The following PRKN variants were observed in gnomAD, a reference collection of about 807,000 sequenced individuals.
The protein encoded by PRKN is parkin RBR E3 ubiquitin protein ligase.
A neutral mutation model predicts 59.5 loss-of-function variants in PRKN; 56 were observed. The ratio of observed to expected loss-of-function variants is 0.94; its 90% CI spans 0.76 to 1.18. PRKN has a LOEUF of 1.18. Ranked by LOEUF, PRKN falls within the 50% of genes most tolerant of loss-of-function variation. The pLI is 0.00. For missense variants in PRKN, 657 were observed against 596.4 expected (o/e 1.10, Z -1.06); for synonymous variants, 250 against 222.1 (o/e 1.13, Z -1.12).
At chr6:162,416,032 G>A (rs935310167) in intron 2 of PRKN, among the ~76,000 whole-genome samples, 1 of 152,026 alleles carries the variant, frequency 6.6e-6, no homozygotes, top group Non-Finnish European at 1.5e-5. Context: ...AATCAGGCAT[G>A]CCATCTCCAG....
intron 7 of PRKN, among the ~76,000 whole-genome samples, chr6:161,630,461 T>C (rs1229318771): frequency 6.6e-6 from 1 of 152,176 alleles, no homozygotes; most frequent in African/African-American, 2.4e-5. Flanking sequence ...ATTTCAGAAC[T>C]GAAATTAAAT....
At chr6:162,298,329 C>G (rs924394918) in intron 2 of PRKN, among the ~76,000 whole-genome samples, 3 of 152,084 alleles carry the variant, frequency 2.0e-5, no homozygotes, top group African/African-American at 7.2e-5. Flanking sequence ...CTCATTAGCT[C>G]TGGGAACAGC....
At chr6:161,425,250 G>A (rs941892807) in intron 9 of PRKN, among the ~76,000 whole-genome samples, 19 of 152,152 alleles carry the variant, frequency 1.2e-4, no homozygotes, top group African/African-American at 4.3e-4. Flanking sequence ...CAGCCCACCA[G>A]CTTTCTACTG....
intron 2 of PRKN, among the ~76,000 whole-genome samples, chr6:162,346,669 T>C (rs2128129820): frequency 6.6e-6 from 1 of 152,118 alleles, no homozygotes; most frequent in African/African-American, 2.4e-5. Context: ...CTATTTCTAG[T>C]TTGATACGTT....
At chr6:161,663,170 G>A (rs1391558997) in intron 7 of PRKN, among the ~76,000 whole-genome samples, 2 of 152,164 alleles carry the variant, frequency 1.3e-5, no homozygotes, top group Non-Finnish European at 2.9e-5. Context: ...GGAACTGTGA[G>A]TCCATTATGC....
At chr6:162,287,133 C>G (rs1010847065) in intron 2 of PRKN, among the ~76,000 whole-genome samples, 1 of 152,102 alleles carries the variant, frequency 6.6e-6, no homozygotes, top group Non-Finnish European at 1.5e-5. Flanking sequence ...AAAATGATAA[C>G]AGATTACAGA....
chr6:161,641,396 G>A (rs899182691), intron 7 of PRKN, among the ~76,000 whole-genome samples: 2 of 152,010 alleles, frequency 1.3e-5, no homozygotes, highest in African/African-American at 2.4e-5. Context: ...TGGATAAAGT[G>A]GCTCATCTGG....
At chr6:161,616,928 A>G (rs1197128562) in intron 7 of PRKN, among the ~76,000 whole-genome samples, 1 of 152,168 alleles carries the variant, frequency 6.6e-6, no homozygotes, top group Admixed American at 6.5e-5. Flanking sequence ...TATACCCAGT[A>G]ATGAGATTGC....
At position 161,404,072 on chromosome 6, in the gene PRKN, C is replaced by T. The variant is rs1787161561; in HGVS notation, c.1084-17195G>A. On this transcript the variant is annotated intron_variant, in intron 9 of 11. Coordinates refer to ENST00000366898, the MANE Select transcript of PRKN (RefSeq NM_004562.3). Reference sequence around the variant, plus strand: ...TTCCCCATTAGGAAATCCCTTTGGGCAAACCTCCCTGACCCCAGGCCTGGG... The same window carrying T: ...TTCCCCATTAGGAAATCCCTTTGGGTAAACCTCCCTGACCCCAGGCCTGGG... 3.9e-5 allele frequency among the ~76,000 whole-genome samples: 6 copies of T among 152,108 alleles called. No individual in the cohort carries two copies. In the South Asian group the frequency reaches 1.2e-3, roughly 32 times the overall value.
chr6:161,492,352 G>A (rs1282394443), intron 9 of PRKN, among the ~76,000 whole-genome samples: 1 of 152,150 alleles, frequency 6.6e-6, no homozygotes, highest in Non-Finnish European at 1.5e-5. Flanking sequence ...AGATTATGGT[G>A]ACAGTTGAAA....
chr6:162,198,471 T>C (rs761113158), intron 4 of PRKN, among the ~76,000 whole-genome samples: 2 of 151,834 alleles, frequency 1.3e-5, no homozygotes, highest in African/African-American at 2.4e-5. Flanking sequence ...TAAATATATA[T>C]ACATACATAC....
intron 4 of PRKN, among the ~76,000 whole-genome samples, chr6:162,125,001 ATGCT>A (rs1781065503): frequency 6.6e-6 from 1 of 152,168 alleles, no homozygotes; most frequent in Non-Finnish European, 1.5e-5. Flanking sequence ...GTGGTGCCAA[ATGCT>A]TGCATAGGAA....
At chr6:161,744,819 A>T (rs1788346770) in intron 7 of PRKN, among the ~76,000 whole-genome samples, 1 of 152,234 alleles carries the variant, frequency 6.6e-6, no homozygotes, top group Non-Finnish European at 1.5e-5. Flanking sequence ...AACAAAAGCC[A>T]CATCAACGGC....
At position 161,526,454 on chromosome 6, in the gene PRKN, A is replaced by G. The variant is rs1331045587; in HGVS notation, c.1083+22400T>C. ...CACACAAACTAAAATATTAAGTGAT[A>G]TTTTCCTATTGTCTTCTTTTTTGTT... On this transcript the variant is annotated intron_variant, in intron 9 of 11. Transcript: ENST00000366898. The surrounding 1 kb of genome is among the most constrained non-coding windows in gnomAD (Gnocchi z 4.1). Among the ~76,000 whole-genome samples the G allele has an allele frequency of 2.0e-5, 3 of 152,034 alleles. No individual in the cohort carries two copies. Among genetic ancestry groups the G allele is most frequent in the African/African-American group, 7.2e-5 (3 of 41,418 alleles).
At chr6:162,690,077 A>ATTAGAATGTACTCCTTTAT (rs1777718586) in intron 1 of PRKN, among the ~76,000 whole-genome samples, 1 of 146,326 alleles carries the variant, frequency 6.8e-6, no homozygotes, top group East Asian at 2.0e-4. Flanking sequence ...ATATATTGTT[A>ATTAGAATGTACTCCTTTAT]TTAGAATGTA....
chr6:161,777,568 T>C lies in PRKN; in HGVS notation c.871+8204A>G, dbSNP rs905295408. Among the ~76,000 whole-genome samples the C allele has an allele frequency of 2.7e-5, 4 of 150,896 alleles. No individual in the cohort carries two copies. The South Asian group carries it at 8.3e-4, about 31-fold the overall frequency. On this transcript the variant is annotated intron_variant, in intron 7 of 11. Transcript: ENST00000366898. The stretch of plus-strand genomic sequence containing the variant: ...TTAGATATTTATCTAGAAATGAATA[T>C]ATACAGACACTGTTAAGACGTTTGG...
intron 1 of PRKN, among the ~76,000 whole-genome samples, chr6:162,452,710 A>G: frequency 6.6e-6 from 1 of 152,248 alleles, no homozygotes; most frequent in Admixed American, 6.5e-5. Context: ...GTAGATAGAA[A>G]AATACAATAA....
chr6:162,609,322 A>G (rs545462974), intron 1 of PRKN, among the ~76,000 whole-genome samples: 1 of 152,360 alleles, frequency 6.6e-6, no homozygotes, highest in East Asian at 1.9e-4. Flanking sequence ...GACCTGAAGA[A>G]GTAACCCACG....
intron 3 of PRKN, among the ~76,000 whole-genome samples, chr6:162,232,853 G>A (rs1267989812): frequency 6.6e-6 from 1 of 152,030 alleles, no homozygotes; most frequent in Non-Finnish European, 1.5e-5. Context: ...AGGCTTTAGA[G>A]GATATTAATT....
Sources: allele counts gnomAD v4.1 joint callset (sites outside exome capture counted in the v4.1 genomes callset), GRCh38; gene constraint gnomAD v4.1.1; non-coding constraint Gnocchi (gnomAD v3.1); transcripts MANE v1.5; gene names NCBI Gene and HGNC (gene_info 2026-07-23, HGNC 2026-07-21).